The following NKAIN2 variants were observed in gnomAD, a reference collection of about 807,000 sequenced individuals.
NKAIN2 encodes sodium/potassium transporting ATPase interacting 2.
A neutral mutation model predicts 32.6 loss-of-function variants in NKAIN2; 14 were observed. The ratio of observed to expected loss-of-function variants is 0.43; its 90% confidence interval spans 0.28 to 0.67. The LOEUF (loss-of-function observed/expected upper bound fraction) is 0.67. Among genes scored for constraint, NKAIN2 ranks in the 30% least tolerant of loss-of-function variants. The probability of loss-of-function intolerance (pLI) is 0.17; values close to 1 mark genes in which losing one functional copy is unlikely to be tolerated. For synonymous variants in NKAIN2, 80 were observed against 87.2 expected (o/e 0.92, Z 0.46); for missense variants, 198 against 258.3 (o/e 0.77, Z 1.60).
At chr6:124,544,164 G>A (rs779683880) in intron 3 of NKAIN2, among the ~76,000 whole-genome samples, 5 of 152,146 alleles carry the variant, frequency 3.3e-5, no homozygotes, top group Non-Finnish European at 5.9e-5. Context: ...TTTCTTGTGA[G>A]AGACCCAGCA....
chr6:124,771,609 T>C (rs1778759620), intron 4 of NKAIN2, among the ~76,000 whole-genome samples: 1 of 152,204 alleles, frequency 6.6e-6, no homozygotes, highest in South Asian at 2.1e-4. Flanking sequence ...TTTTGCAAAA[T>C]TGTGTTTTTA....
At position 123,970,374 on chromosome 6, in the gene NKAIN2, G is replaced by A. The variant is rs557545528; in HGVS notation, c.54+166120G>A. 9.9e-5 allele frequency among the ~76,000 whole-genome samples: 15 copies of A among 152,142 alleles called. No homozygotes were observed. The South Asian group carries it at 2.9e-3, about 29-fold the overall frequency. On this transcript the variant is annotated intron_variant, in intron 1 of 6. Coordinates refer to ENST00000368417, the MANE Select transcript of NKAIN2 (RefSeq NM_001040214.3). ...TTCTATCACTGAAAATAAATTTAAAGGAGCATAAAATGAAAACACAGATGG... is the reference window on the plus strand; with the variant it reads ...TTCTATCACTGAAAATAAATTTAAAAGAGCATAAAATGAAAACACAGATGG...
intron 3 of NKAIN2, among the ~76,000 whole-genome samples, chr6:124,524,184 A>C (rs1378795823): frequency 6.6e-6 from 1 of 152,196 alleles, no homozygotes; most frequent in Non-Finnish European, 1.5e-5. Flanking sequence ...GGCTATTAAA[A>C]AATAAATTTG....
rs539964646 is a variant in NKAIN2, at chr6:124,693,980, A to G, written c.474+35594A>G. On this transcript the variant is annotated intron_variant, in intron 4 of 6. Coordinates refer to ENST00000368417, the MANE Select transcript of NKAIN2 (RefSeq NM_001040214.3). ...AAAATAAAGGTCCATTTTTAAAATA[A>G]TTTGTAAAACACATTTTTATAAAAG... is the stretch of plus-strand genomic sequence containing the variant. 2.0e-5 allele frequency among the ~76,000 whole-genome samples: 3 copies of G among 152,316 alleles called. No individual in the cohort carries two copies. In the South Asian group the frequency reaches 6.2e-4, roughly 32 times the overall value.
chr6:124,330,806 A>T (rs1034677627), intron 2 of NKAIN2, among the ~76,000 whole-genome samples: 1 of 152,170 alleles, frequency 6.6e-6, no homozygotes, highest in East Asian at 1.9e-4. Flanking sequence ...TTACTGCCTG[A>T]GTTCCTGAGC....
At chr6:124,209,849 T>C (rs1028223256) in intron 1 of NKAIN2, among the ~76,000 whole-genome samples, 3 of 151,926 alleles carry the variant, frequency 2.0e-5, no homozygotes, top group African/African-American at 7.2e-5. Flanking sequence ...TTGTGGTTAT[T>C]ATTACCTTGT....
In NKAIN2 at chr6:124,643,588, A is replaced by G. The variant is rs539906228; in HGVS notation, c.274-14598A>G. ...ATGATGTCATATATGCTATCTTACT[A>G]TCTTATATAGATTCACATCACATCA... On this transcript the variant is annotated intron_variant, in intron 3 of 6. Coordinates refer to ENST00000368417, the MANE Select transcript of NKAIN2 (RefSeq NM_001040214.3). Among the ~76,000 whole-genome samples, 25 of 152,280 alleles carry G rather than the reference A, an allele frequency of 1.6e-4. No individual in the cohort carries two copies. In the East Asian group the frequency reaches 2.3e-3, roughly 14 times the overall value.
chr6:123,885,372 G>A (rs766926959), intron 1 of NKAIN2, among the ~76,000 whole-genome samples: 1 of 152,066 alleles, frequency 6.6e-6, no homozygotes. Context: ...CAGTTGTTCT[G>A]ATAGCTCCTC....
At chr6:124,387,360 G>A (rs1338622602) in intron 3 of NKAIN2, among the ~76,000 whole-genome samples, 1 of 150,504 alleles carries the variant, frequency 6.6e-6, no homozygotes, top group Non-Finnish European at 1.5e-5. Flanking sequence ...TTGCCCCATT[G>A]CATGAAACTG....
intron 3 of NKAIN2, among the ~76,000 whole-genome samples, chr6:124,563,737 C>T (rs1780792321): frequency 6.6e-6 from 1 of 152,144 alleles, no homozygotes; most frequent in Non-Finnish European, 1.5e-5. Context: ...GATCTCAGCT[C>T]ACTCCAACCT....
At chr6:124,751,051 A>G (rs1393900991) in intron 4 of NKAIN2, among the ~76,000 whole-genome samples, 1 of 152,066 alleles carries the variant, frequency 6.6e-6, no homozygotes, top group African/African-American at 2.4e-5. Flanking sequence ...AATACTGTAG[A>G]CTTTGTAGTG....
intron 3 of NKAIN2, among the ~76,000 whole-genome samples, chr6:124,402,294 T>C (rs1773657538): frequency 6.6e-6 from 1 of 152,156 alleles, no homozygotes; most frequent in African/African-American, 2.4e-5. Context: ...TATAGTAAGT[T>C]GGTTTTATGA....
chr6:124,498,816 T>C (rs910894102), intron 3 of NKAIN2, among the ~76,000 whole-genome samples: 2 of 152,234 alleles, frequency 1.3e-5, no homozygotes, highest in Non-Finnish European at 2.9e-5. Flanking sequence ...TTAATAAACA[T>C]TTTAAAGTCA....
At chr6:124,267,785 C>T (rs904245798) in intron 1 of NKAIN2, among the ~76,000 whole-genome samples, 8 of 152,168 alleles carry the variant, frequency 5.3e-5, no homozygotes, top group South Asian at 4.2e-4. Context: ...ATTAAGGACT[C>T]ATTTGTGTAT....
intron 1 of NKAIN2, among the ~76,000 whole-genome samples, chr6:123,871,708 G>T (rs1167755726): frequency 6.6e-6 from 1 of 152,126 alleles, no homozygotes; most frequent in Non-Finnish European, 1.5e-5. Flanking sequence ...TCTCCCTAGG[G>T]TTTTGAAGGA....
chr6:123,938,409 TATATATATATATATATATATATATA>T (rs1776630409), intron 1 of NKAIN2, among the ~76,000 whole-genome samples: 1 of 65,060 alleles, frequency 1.5e-5, no homozygotes, highest in Non-Finnish European at 3.0e-5. Context: ...TATATATATA[TATATATATATATATATATATATATA>T]TATATATATA....
intron 2 of NKAIN2, among the ~76,000 whole-genome samples, chr6:124,330,327 C>T (rs1469317752): frequency 6.6e-6 from 1 of 152,084 alleles, no homozygotes; most frequent in Non-Finnish European, 1.5e-5. Flanking sequence ...TGCATACAAG[C>T]AATTTATTAG....
intron 1 of NKAIN2, among the ~76,000 whole-genome samples, chr6:123,965,425 C>T (rs1344948383): frequency 6.6e-6 from 1 of 152,102 alleles, no homozygotes; most frequent in African/African-American, 2.4e-5. Context: ...TCACACTTAT[C>T]CTATCATGTT....
chr6:124,566,977 A>G (rs1780939155), intron 3 of NKAIN2, among the ~76,000 whole-genome samples: 1 of 152,194 alleles, frequency 6.6e-6, no homozygotes, highest in Non-Finnish European at 1.5e-5. Context: ...ACAAACTCAA[A>G]TTGTTCTGGC....
Sources: gnomAD v4.1 joint callset for allele counts (sites outside exome capture counted in the v4.1 genomes callset) on GRCh38, gnomAD v4.1.1 for gene constraint, MANE v1.5 for transcripts, NCBI Gene and HGNC (gene_info 2026-07-23, HGNC 2026-07-21) for gene names.